The following CSMD1 variants were observed in gnomAD, a reference collection of about 807,000 sequenced individuals.
CSMD1 encodes CUB and sushi domain-containing protein 1.
Under a neutral mutation model 417.5 loss-of-function variants are expected in CSMD1, and 213 were observed. The observed-to-expected ratio is 0.51, with a 90% confidence interval of 0.46 to 0.57. The LOEUF (loss-of-function observed/expected upper bound fraction) is 0.57, where lower values mean the gene tolerates loss of function less well. Among genes scored for constraint, CSMD1 ranks in the 20% least tolerant of loss-of-function variants. The pLI is 0.00. For synonymous variants in CSMD1, 2,862 were observed against 1,736.8 expected (o/e 1.65, Z -16.11); for missense variants, 6,923 against 4,529.7 (o/e 1.53, Z -15.17).
chr8:3,163,746 A>C (rs1421111022), intron 37 of CSMD1, among the ~76,000 whole-genome samples: 2 of 152,180 alleles, frequency 1.3e-5, no homozygotes, highest in Non-Finnish European at 2.9e-5. Flanking sequence ...TCGAAGCTAC[A>C]GAGTCAGCAG....
At chr8:3,679,827 C>T (rs1209927792) in intron 7 of CSMD1, among the ~76,000 whole-genome samples, 5 of 152,134 alleles carry the variant, frequency 3.3e-5, no homozygotes, top group African/African-American at 1.2e-4. Context: ...GAAATTATAA[C>T]AAACTGTATC....
chr8:4,467,407 T>C (rs1266418899), intron 2 of CSMD1, among the ~76,000 whole-genome samples: 1 of 151,738 alleles, frequency 6.6e-6, no homozygotes, highest in Non-Finnish European at 1.5e-5. Context: ...TCCATTTTTC[T>C]CTTTTTCCGT....
intron 26 of CSMD1, among the ~76,000 whole-genome samples, chr8:3,238,431 AAAAT>A (rs1799290660): frequency 6.6e-6 from 1 of 152,242 alleles, no homozygotes; most frequent in East Asian, 1.9e-4. Context: ...ATTAATAAGA[AAAAT>A]AAAATGAAAT....
chr8:3,097,515 A>G (rs980686663), intron 46 of CSMD1, among the ~76,000 whole-genome samples: 3 of 152,152 alleles, frequency 2.0e-5, no homozygotes, highest in African/African-American at 7.2e-5. Context: ...GATGCTGCAG[A>G]TGGTCCAGAA....
intron 28 of CSMD1, 41 bp from the exon 29 acceptor site, chr8:3,219,483 T>C (rs17079639): frequency 0.25 from 330,783 of 1,325,666 alleles, 42,269 homozygotes; most frequent in East Asian, 0.32. Context: ...GGCTAACAGA[T>C]ATTTTATCTC....
At chr8:4,844,486 T>A (rs1231554776) in intron 1 of CSMD1, among the ~76,000 whole-genome samples, 2 of 152,092 alleles carry the variant, frequency 1.3e-5, no homozygotes, top group African/African-American at 4.8e-5. Context: ...CATAACAGCC[T>A]CAATCAGCAC....
intron 49 of CSMD1, among the ~76,000 whole-genome samples, chr8:3,057,053 T>C (rs1463465640): frequency 2.0e-5 from 3 of 152,080 alleles, no homozygotes; most frequent in Non-Finnish European, 4.4e-5. Context: ...GGAGAAATCA[T>C]GGGTTTGCTT....
intron 1 of CSMD1, among the ~76,000 whole-genome samples, chr8:4,771,166 G>A (rs761592257): frequency 6.6e-6 from 1 of 152,300 alleles, no homozygotes; most frequent in East Asian, 1.9e-4. Context: ...ACATTACACA[G>A]AGAAGACTGA....
chr8:4,861,036 G>C (rs1802099792), intron 1 of CSMD1, among the ~76,000 whole-genome samples: 1 of 152,050 alleles, frequency 6.6e-6, no homozygotes. Context: ...ATTTATCTAT[G>C]TCTCCTTTTC....
intron 2 of CSMD1, among the ~76,000 whole-genome samples, chr8:4,451,667 A>C (rs1347712942): frequency 6.6e-6 from 1 of 152,176 alleles, no homozygotes; most frequent in Non-Finnish European, 1.5e-5. Flanking sequence ...TAGTCAATTG[A>C]GTTCACTGAT....
At chr8:3,941,622 A>G (rs1033493859) in intron 5 of CSMD1, among the ~76,000 whole-genome samples, 8 of 152,192 alleles carry the variant, frequency 5.3e-5, no homozygotes, top group Non-Finnish European at 8.8e-5. Flanking sequence ...CATGAAGATA[A>G]GACTTAATGA....
intron 3 of CSMD1, among the ~76,000 whole-genome samples, chr8:4,137,699 A>T (rs985458952): frequency 7.6e-6 from 1 of 130,866 alleles, no homozygotes; most frequent in Non-Finnish European, 1.8e-5. Flanking sequence ...AAGACAAGAG[A>T]TCACATCGAT....
chr8:3,019,899 G>C (rs1740207036), intron 51 of CSMD1, among the ~76,000 whole-genome samples: 1 of 152,230 alleles, frequency 6.6e-6, no homozygotes, highest in African/African-American at 2.4e-5. Context: ...AATATGTTTT[G>C]AACAGGTAAG....
At chr8:4,404,237 G>A (rs769567120) in intron 3 of CSMD1, among the ~76,000 whole-genome samples, 1 of 151,924 alleles carries the variant, frequency 6.6e-6, no homozygotes, top group Non-Finnish European at 1.5e-5. Context: ...TATATTATCT[G>A]TCACCTTGTG....
chr8:4,473,138 A>C (rs1002797421), intron 2 of CSMD1, among the ~76,000 whole-genome samples: 1 of 152,152 alleles, frequency 6.6e-6, no homozygotes, highest in Non-Finnish European at 1.5e-5. Context: ...CTTATAGTAA[A>C]TTCCTGGAAT....
intron 5 of CSMD1, among the ~76,000 whole-genome samples, chr8:3,942,675 G>C (rs562010988): frequency 6.6e-6 from 1 of 152,172 alleles, no homozygotes; most frequent in Admixed American, 6.6e-5. Flanking sequence ...TGATTTATAG[G>C]TCCTTTTCCC....
chr8:4,629,296 C>G (rs1802361444), intron 2 of CSMD1, among the ~76,000 whole-genome samples: 1 of 152,062 alleles, frequency 6.6e-6, no homozygotes, highest in African/African-American at 2.4e-5. Context: ...GACATGAAAA[C>G]ATGTTTTCAA....
intron 3 of CSMD1, among the ~76,000 whole-genome samples, chr8:4,152,225 A>C (rs1796605054): frequency 6.6e-6 from 1 of 152,198 alleles, no homozygotes; most frequent in Admixed American, 6.5e-5. Flanking sequence ...TACACTTTCA[A>C]CATTATTCCC....
At chr8:3,988,172 C>G (rs1209186232) in intron 5 of CSMD1, among the ~76,000 whole-genome samples, 1 of 152,082 alleles carries the variant, frequency 6.6e-6, no homozygotes, top group Admixed American at 6.6e-5. Flanking sequence ...AAAACTAAAT[C>G]AGAGTCTCTA....
Sources: gnomAD v4.1 joint callset for allele counts (sites outside exome capture counted in the v4.1 genomes callset) on GRCh38, gnomAD v4.1.1 for gene constraint, MANE v1.5 for transcripts, NCBI Gene and HGNC (gene_info 2026-07-23, HGNC 2026-07-21) for gene names.